PITPNM2: variants seen among roughly 807,000 people sequenced by gnomAD.
PITPNM2 encodes membrane-associated phosphatidylinositol transfer protein 2.
A neutral mutation model predicts 132.2 loss-of-function variants in PITPNM2; 35 were observed. The observed-to-expected ratio is 0.26, with a 90% CI of 0.20 to 0.35. The LOEUF is 0.35. Ranked by LOEUF, PITPNM2 falls within the 10% of genes least tolerant of loss-of-function variation. PITPNM2 has a pLI of 1.00. For synonymous variants in PITPNM2, 738 were observed against 799.2 expected (o/e 0.92, Z 1.29); for missense variants, 1,332 against 1,912.0 (o/e 0.70, Z 5.66).
chr12:123,121,855 TTTTG>T (rs775224614), intron 1 of PITPNM2, among the ~76,000 whole-genome samples: 2 of 151,928 alleles, frequency 1.3e-5, no homozygotes, highest in Non-Finnish European at 1.5e-5. Flanking sequence ...CATGTCAACC[TTTTG>T]TTTGTTTGTT....
At chr12:123,050,360 G>C (rs2040818736) in intron 2 of PITPNM2, among the ~76,000 whole-genome samples, 1 of 152,178 alleles carries the variant, frequency 6.6e-6, no homozygotes, top group African/African-American at 2.4e-5. Context: ...TCAATGCTCA[G>C]AAGCAGTCAG....
chr12:122,991,902 G>A (rs756061533), intron 16 of PITPNM2: 4 of 1,309,976 alleles, frequency 3.1e-6, no homozygotes, highest in Non-Finnish European at 3.9e-6. Context: ...GTCTCGACTG[G>A]AGGCAGACGG....
Position 122,996,727 on chromosome 12 carries a change from A to T in PITPNM2, c.1656T>A (p.Asn552Lys). 6.2e-7 allele frequency: 1 copy of T among 1,611,346 alleles called. No homozygotes were observed. Among genetic ancestry groups the T allele is most frequent in the Non-Finnish European group, 8.5e-7 (1 of 1,179,264 alleles). The change falls in exon 12 of 26, where the codon AAT becomes AAA. Residue 552 changes from asparagine to lysine, a missense_variant. Coordinates refer to ENST00000320201, the MANE Select transcript of PITPNM2 (RefSeq NM_020845.3). ...CAACTTCCCCGGGACTCACCTGCCC[A>T]TTGAAGGTCATGCCCTCCTGGGACT... ...FIKSQEGMTF[N>K]GQVCLIGDCV...
rs1479983241 is a variant in PITPNM2 at position 123,150,760 on chromosome 12, G to A, written c.-207C>T. Among the ~76,000 whole-genome samples, 1 of 149,742 alleles carries A rather than the reference G, an allele frequency of 6.7e-6. No individual in the cohort carries two copies. Among genetic ancestry groups the A allele is most frequent in the Non-Finnish European group, 1.5e-5 (1 of 67,232 alleles). On this transcript the variant is annotated 5_prime_UTR_variant, in exon 1 of 26. Transcript: ENST00000320201. The surrounding 1 kb of genome is among the most constrained non-coding windows in gnomAD (Gnocchi z 6.0). Reference sequence around the variant, plus strand: ...CCGCCCGGACGCACTCACCCCGCTCGGCGCGGCCGCGGGCTCTGTCCTCTT... The same window carrying A: ...CCGCCCGGACGCACTCACCCCGCTCAGCGCGGCCGCGGGCTCTGTCCTCTT...
In PITPNM2 at chr12:123,034,540, G is replaced by A. The variant is rs1159937955; in HGVS notation, c.51C>T (p.Tyr17=). 1 of 1,614,238 alleles carries A rather than the reference G, an allele frequency of 6.2e-7. No homozygotes were observed. The change falls in exon 3 of 26, where the codon TAC becomes TAT. Residue 17 remains tyrosine (Y), a synonymous_variant. Transcript: ENST00000320201. The part of the protein sequence containing the change: ...RIPLPMTVEE[Y]RIAQLYMIQK... Reference sequence around the variant, plus strand: ...GTATCATGTACAGCTGGGCGATGCGGTACTCCTCCACGGTCATTGGCAGAG... The same window carrying A: ...GTATCATGTACAGCTGGGCGATGCGATACTCCTCCACGGTCATTGGCAGAG...
Position 123,005,511 on chromosome 12 carries a change from G to A in PITPNM2, c.681C>T (p.Ala227=). 6.2e-7 allele frequency: 1 copy of A among 1,613,840 alleles called. No homozygotes were observed. The highest frequency in any genetic ancestry group is 8.5e-7 in the Non-Finnish European group (1 of 1,180,030). Reference sequence around the variant, plus strand: ...CATACCACTCGTCCTGCCAGCACCAGGCCTGCCGGTGAGCCCGCACCATCA... The same window carrying A: ...CATACCACTCGTCCTGCCAGCACCAAGCCTGCCGGTGAGCCCGCACCATCA... ...RRVMVRAHRQ[A]WCWQDEWYGL... is the part of the protein sequence containing the mutation. The change falls in exon 7 of 26, where the codon GCC becomes GCT. Residue 227 remains alanine (A), a synonymous_variant. Coordinates refer to ENST00000320201, the MANE Select transcript of PITPNM2 (RefSeq NM_020845.3). The surrounding 1 kb of genome is among the most constrained non-coding windows in gnomAD (Gnocchi z 6.2).
intron 18 of PITPNM2, among the ~76,000 whole-genome samples, chr12:122,989,120 G>A (rs575631183): frequency 6.6e-6 from 1 of 152,328 alleles, no homozygotes; most frequent in Admixed American, 6.5e-5. Context: ...GGGAGGACCA[G>A]TCGCCATCTG....
intron 1 of PITPNM2, among the ~76,000 whole-genome samples, chr12:123,119,272 C>T (rs1183863651): frequency 1.3e-5 from 2 of 151,696 alleles, no homozygotes; most frequent in Admixed American, 6.6e-5. Context: ...TCTGCCTAAG[C>T]TTTGTCATGC....
chr12:123,143,694 C>T (rs1014045047), intron 1 of PITPNM2, among the ~76,000 whole-genome samples: 8 of 152,322 alleles, frequency 5.3e-5, no homozygotes, highest in Middle Eastern at 3.4e-3. Context: ...GCCGCCAGAA[C>T]CCACTGCATG....
intron 11 of PITPNM2, 103 bp downstream of exon 11, chr12:122,997,222 C>T: frequency 6.5e-7 from 1 of 1,536,610 alleles, no homozygotes; most frequent in African/African-American, 1.4e-5. Flanking sequence ...TGGGTCTGGA[C>T]ATCGGGGCAG....
intron 3 of PITPNM2, among the ~76,000 whole-genome samples, chr12:123,033,267 C>T (rs2844287): frequency 0.025 from 3,791 of 152,308 alleles, 69 homozygotes; most frequent in South Asian, 0.044. Context: ...CCCGAAGACC[C>T]TCAGCCTGGA....
chr12:123,046,808 A>C (rs887002206), intron 2 of PITPNM2, among the ~76,000 whole-genome samples: 1 of 152,166 alleles, frequency 6.6e-6, no homozygotes, highest in South Asian at 2.1e-4. Context: ...CTGCAAGGCT[A>C]TTAGCCCCGT....
At chr12:123,019,610 G>A (rs1354331852) in intron 3 of PITPNM2, among the ~76,000 whole-genome samples, 3 of 152,156 alleles carry the variant, frequency 2.0e-5, no homozygotes, top group African/African-American at 7.2e-5. Flanking sequence ...CAGGAAAGCC[G>A]CAAGCCCCAT....
At chr12:123,128,424 G>A (rs1246371270) in intron 1 of PITPNM2, among the ~76,000 whole-genome samples, 1 of 117,578 alleles carries the variant, frequency 8.5e-6, no homozygotes, top group African/African-American at 3.4e-5. Context: ...CTGGGTGACA[G>A]AGCAAGACCC....
chr12:122,996,923 G>A lies in PITPNM2; in HGVS notation c.1473-13C>T. ...GTAGGGGCTGAGGCTGGGGAGAGGGGCCAGTCAAGAGAGGGCAGGCGGCTC... is the reference window on the plus strand; with the variant it reads ...GTAGGGGCTGAGGCTGGGGAGAGGGACCAGTCAAGAGAGGGCAGGCGGCTC... On this transcript the variant is annotated splice_polypyrimidine_tract_variant and intron_variant, in intron 11 of 25. Transcript: ENST00000320201. 6.4e-7 allele frequency: 1 copy of A among 1,559,836 alleles called. No individual in the cohort carries two copies. The highest frequency in any genetic ancestry group is 1.2e-5 in the South Asian group (1 of 82,350).
chr12:123,105,554 G>A (rs957591871), intron 2 of PITPNM2: 3 of 152,180 alleles, frequency 2.0e-5, no homozygotes, highest in African/African-American at 7.2e-5. Flanking sequence ...AGTGTGTGAA[G>A]AAACAAAGAA....
chr12:123,003,432 C>T (rs958163472), intron 8 of PITPNM2, among the ~76,000 whole-genome samples: 21 of 152,188 alleles, frequency 1.4e-4, no homozygotes, highest in African/African-American at 3.9e-4. Context: ...AGGGGTGGGA[C>T]GCCAAGAGGC....
At chr12:123,002,468 A>T (rs113253052) in intron 8 of PITPNM2, among the ~76,000 whole-genome samples, 14,615 of 152,240 alleles carry the variant, frequency 0.096, 2,347 homozygotes, top group African/African-American at 0.33. Context: ...GCTGGAGTGT[A>T]GTGGCACAGT....
chr12:122,987,241 A>T lies in PITPNM2; in HGVS notation c.3413+40T>A, dbSNP rs780407678. On this transcript the variant is annotated intron_variant, in intron 23 of 25. Transcript: ENST00000320201. ...CTGGTGGGAGCCCCTGAGCCCACCC[A>T]CCTTGCTACAGCCCCTTTGTGCCCC... 2.5e-6 allele frequency: 4 copies of T among 1,602,496 alleles called. No individual in the cohort carries two copies. The Admixed American group carries it at 5.0e-5, about 20-fold the overall frequency.
Sources: allele counts gnomAD v4.1 joint callset (sites outside exome capture counted in the v4.1 genomes callset), GRCh38; gene constraint gnomAD v4.1.1; non-coding constraint Gnocchi (gnomAD v3.1); transcripts MANE v1.5; gene names NCBI Gene and HGNC (gene_info 2026-07-23, HGNC 2026-07-21).